ACAP3: variants seen among roughly 807,000 people sequenced by gnomAD.
The protein encoded by ACAP3 is arf-GAP with coiled-coil, ANK repeat and PH domain-containing protein 3.
Under a neutral mutation model 104.1 loss-of-function variants are expected in ACAP3, and 56 were observed. The observed-to-expected ratio is 0.54, with a 90% confidence interval of 0.43 to 0.67. The LOEUF (loss-of-function observed/expected upper bound fraction) is 0.67, where lower values mean the gene tolerates loss of function less well. Among genes scored for constraint, ACAP3 ranks in the 30% least tolerant of loss-of-function variants. ACAP3 has a pLI of 0.00. For missense variants in ACAP3, 1,208 were observed against 1,174.9 expected, an observed-to-expected ratio of 1.03 and a Z score of -0.41; for synonymous variants, 628 against 496.2, an observed-to-expected ratio of 1.27 and a Z score of -3.53.
Position 1,298,050 on chromosome 1 carries a change from C to G in ACAP3, c.979G>C (p.Glu327Gln). 1.2e-6 allele frequency: 2 copies of G among 1,611,558 alleles called. No homozygotes were observed. The highest frequency in any genetic ancestry group is 1.7e-6 in the Non-Finnish European group (2 of 1,179,442). ...LCSVKPCEDI[E>Q]RRFCFEVLSP... ...AGCACCTCGAAGCAGAACCTCCGCTCGATGTCCTCACACGGCTTCACAGAG... is the reference window on the plus strand; with the variant it reads ...AGCACCTCGAAGCAGAACCTCCGCTGGATGTCCTCACACGGCTTCACAGAG... The change falls in exon 13 of 24, where the codon GAG becomes CAG. Residue 327 changes from glutamate to glutamine, a missense_variant. By Grantham distance (29) the Glu-to-Gln change is conservative. Transcript: ENST00000354700.
chr1:1,306,058 G>C (rs1031472433), intron 1 of ACAP3: 1 of 152,346 alleles, frequency 6.6e-6, no homozygotes, highest in African/African-American at 2.4e-5. Context: ...TTAAATCACA[G>C]CCTAACCCCA....
At chr1:1,305,555 C>A (rs1641654538) in intron 1 of ACAP3, 1 of 152,312 alleles carries the variant, frequency 6.6e-6, no homozygotes, top group African/African-American at 2.4e-5. Flanking sequence ...CAGGAGCTCA[C>A]GGACGTGCTC....
chr1:1,298,574 A>G lies in ACAP3; in HGVS notation c.856T>C (p.Trp286Arg). ...CTGAGGAAGGCCTCTCACCGGTTCC[A>G]TGTCTTGAAAGCGTTGCTGGCCCTC... is the stretch of plus-strand genomic sequence containing the variant. ...FKRASNAFKTWNRRWFSIQNS... is the reference protein window; with the variant it reads ...FKRASNAFKTRNRRWFSIQNS... Residue 286 changes from tryptophan (W) to arginine (R), a missense_variant, in exon 11 of 24, where the codon TGG (tryptophan) becomes CGG (arginine). Trp to Arg is a moderately radical substitution (Grantham distance 101). Coordinates refer to ENST00000354700, the MANE Select transcript of ACAP3 (RefSeq NM_030649.3). 1.3e-6 allele frequency: 2 copies of G among 1,545,618 alleles called. No individual in the cohort carries two copies. The highest frequency in any genetic ancestry group is 1.7e-6 in the Non-Finnish European group (2 of 1,148,500).
rs756124051 is a variant in ACAP3, at chr1:1,298,527, C to T, written c.863+40G>A. 35 of 1,423,974 alleles carry T rather than the reference C, an allele frequency of 2.5e-5. No homozygotes were observed. The African/African-American group carries it at 2.7e-4, about 11-fold the overall frequency. 88.2% of individuals were successfully genotyped at this position (1,423,974 alleles called of 1,614,324 possible). On this transcript the variant is annotated intron_variant, in intron 11 of 23. Coordinates refer to ENST00000354700, the MANE Select transcript of ACAP3 (RefSeq NM_030649.3). ...CACCCCCGCCTGAGGACCCCACCCCCGCCTAAGGACCCCGCCCCCACCTGA... is the reference window on the plus strand; with the variant it reads ...CACCCCCGCCTGAGGACCCCACCCCTGCCTAAGGACCCCGCCCCCACCTGA...
At chr1:1,299,736 G>T in intron 9 of ACAP3, 95 bp downstream of exon 9, 1 of 1,367,948 alleles carries the variant, frequency 7.3e-7, no homozygotes, top group Non-Finnish European at 9.9e-7. Context: ...GAGACAGGCA[G>T]GAGGAAGGGG....
At position 1,296,510 on chromosome 1, in the gene ACAP3, A is replaced by G; in HGVS notation, c.1252T>C (p.Cys418Arg). 2 of 1,541,222 alleles carry G rather than the reference A, an allele frequency of 1.3e-6. No homozygotes were observed. Among genetic ancestry groups the G allele is most frequent in the Non-Finnish European group, 1.7e-6 (2 of 1,146,684 alleles). ...GGGTCCGGCTGGCCGCAGTCGCCGC[A>G]CTGGCTGTTGCCGGCCACACTCTGC... is the stretch of plus-strand genomic sequence containing the variant. Reference protein sequence around the residue: ...RVQSVAGNSQCGDCGQPDPRW... With the variant: ...RVQSVAGNSQRGDCGQPDPRW... The change falls in exon 15 of 24, where the codon TGC becomes CGC. Residue 418 changes from cysteine to arginine, a missense_variant. Cys to Arg is a radical substitution (Grantham distance 180). Transcript: ENST00000354700.
intron 2 of ACAP3, 68 bp downstream of exon 2, chr1:1,304,018 G>C: frequency 6.5e-7 from 1 of 1,540,476 alleles, no homozygotes; most frequent in South Asian, 1.2e-5. Flanking sequence ...AAGGCCTGGA[G>C]GGCGAGTCTG....
rs2100478724 is a variant in ACAP3, at chr1:1,303,915, T to C, written c.105+171A>G. 4 of 781,440 alleles carry C rather than the reference T, an allele frequency of 5.1e-6. No individual in the cohort carries two copies. Among genetic ancestry groups the C allele is most frequent in the Non-Finnish European group, 8.2e-6 (4 of 487,428 alleles). 48.4% of individuals were successfully genotyped at this position (781,440 alleles called of 1,614,324 possible). A position where few individuals can be genotyped will look rare whatever the true frequency, so the allele number is the denominator to read the frequency against. ...GCCAGCCACATGTGTGCATGTGACA[T>C]GTGCACCCTGGAACACACATGCTAA... On this transcript the variant is annotated intron_variant, in intron 2 of 23. Coordinates refer to ENST00000354700, the MANE Select transcript of ACAP3 (RefSeq NM_030649.3). This position sits in a 1 kb window ranked among gnomAD's most constrained non-coding sequence, Gnocchi z 4.0.
chr1:1,303,181 T>C lies in ACAP3; in HGVS notation c.206A>G (p.Gln69Arg), dbSNP rs760786493. The C allele has an allele frequency of 1.9e-6, 3 of 1,604,896 alleles. No individual in the cohort carries two copies. The African/African-American group carries it at 4.0e-5, about 21-fold the overall frequency. ...SGVRDLSQQC[Q>R]GDTVISECLQ... ...CCTCACCGAGATGACGGTGTCGCCC[T>C]GGCACTGCTGGGACAGGTCGCGGAC... Residue 69 changes from glutamine (Q) to arginine (R), a missense_variant, in exon 3 of 24, where the codon CAG (glutamine) becomes CGG (arginine). Transcript: ENST00000354700. This position sits in a 1 kb window ranked among gnomAD's most constrained non-coding sequence, Gnocchi z 4.0.
At position 1,300,203 on chromosome 1, in the gene ACAP3, C is replaced by A; in HGVS notation, c.523-1G>T. 6.2e-7 allele frequency: 1 copy of A among 1,607,342 alleles called. No homozygotes were observed. Among genetic ancestry groups the A allele is most frequent in the Non-Finnish European group, 8.5e-7 (1 of 1,176,800 alleles). ...TCTTCTTGGCCTGCAGAACATTGATCTGCCAGAGGGGGAGCCCACAGGTGA... is the reference window on the plus strand; with the variant it reads ...TCTTCTTGGCCTGCAGAACATTGATATGCCAGAGGGGGAGCCCACAGGTGA... On this transcript the variant is annotated splice_acceptor_variant, in intron 6 of 23. Coordinates refer to ENST00000354700, the MANE Select transcript of ACAP3 (RefSeq NM_030649.3). LOFTEE classifies it high-confidence loss of function.
chr1:1,303,431 C>T lies in ACAP3; in HGVS notation c.106-150G>A. On this transcript the variant is annotated intron_variant, in intron 2 of 23. Coordinates refer to ENST00000354700, the MANE Select transcript of ACAP3 (RefSeq NM_030649.3). The surrounding 1 kb of genome is among the most constrained non-coding windows in gnomAD (Gnocchi z 4.0). ...ACTCAGTGCCCCGGTGCAGCTTCCT[C>T]ACGCCTGGGCCTGCCTGGGGCTTGG... 8.8e-7 allele frequency: 1 copy of T among 1,137,748 alleles called. No homozygotes were observed. The highest frequency in any genetic ancestry group is 1.2e-6 in the Non-Finnish European group (1 of 825,494). The allele number at this position is 1,137,748 out of a possible 1,614,324, so 70.5% of individuals were successfully genotyped here.
chr1:1,307,231 C>G, intron 1 of ACAP3: 1 of 1,287,356 alleles, frequency 7.8e-7, no homozygotes, highest in Non-Finnish European at 1.0e-6. Context: ...ACTCGGTGTG[C>G]ACACAACCCC....
Position 1,303,984 on chromosome 1 carries a change from T to G in ACAP3, c.105+102A>C. 5.1e-6 allele frequency: 7 copies of G among 1,383,070 alleles called. No individual in the cohort carries two copies. The highest frequency in any genetic ancestry group is 6.0e-6 in the Non-Finnish European group (6 of 1,004,604). The allele number at this position is 1,383,070 out of a possible 1,614,324, so 85.7% of individuals were successfully genotyped here. A position where few individuals can be genotyped will look rare whatever the true frequency, so the allele number is the denominator to read the frequency against. On this transcript the variant is annotated intron_variant, in intron 2 of 23. Transcript: ENST00000354700. The surrounding 1 kb of genome is among the most constrained non-coding windows in gnomAD (Gnocchi z 4.0). The stretch of plus-strand genomic sequence containing the variant: ...TGGAGCACCACACGCATGCTCCACA[T>G]ATGGGGGGTGTAAGTGGCTTAGTAA...
At position 1,295,465 on chromosome 1, in the gene ACAP3, C is replaced by CAGG; in HGVS notation, c.1794_1795insCCT (p.Ala598_Ala599insPro). The CAGG allele has an allele frequency of 6.2e-7, 1 of 1,612,446 alleles. No homozygotes were observed. The highest frequency in any genetic ancestry group is 8.5e-7 in the Non-Finnish European group (1 of 1,179,798). On this transcript the variant is annotated inframe_insertion, in exon 19 of 24. Coordinates refer to ENST00000354700, the MANE Select transcript of ACAP3 (RefSeq NM_030649.3). ...CACTTACTGCGAGGGCCAGCCCCTG[C>CAGG]GGCCCCTGCGTCGAAGTAGGAGAAG...
Position 1,303,753 on chromosome 1 carries a change from C to A in ACAP3, c.105+333G>T. ...CTGTTGCCCCCTCCCCTTTCTCAGC[C>A]CCAGCCCCAGCCACACCAAGGCTCA... On this transcript the variant is annotated intron_variant, in intron 2 of 23. Transcript: ENST00000354700. This position sits in a 1 kb window ranked among gnomAD's most constrained non-coding sequence, Gnocchi z 4.0. 1 of 469,814 alleles carries A rather than the reference C, an allele frequency of 2.1e-6. No homozygotes were observed. Among genetic ancestry groups the A allele is most frequent in the Non-Finnish European group, 3.9e-6 (1 of 259,546 alleles). 29.1% of individuals were successfully genotyped at this position (469,814 alleles called of 1,614,324 possible). A position where few individuals can be genotyped will look rare whatever the true frequency, so the allele number is the denominator to read the frequency against.
In ACAP3 at chr1:1,306,679, TACAC is replaced by T. The variant is rs1476008752; in HGVS notation, c.47+1086_47+1089del. 5.9e-5 allele frequency among the ~76,000 whole-genome samples: 9 copies of T among 152,242 alleles called. No homozygotes were observed. The South Asian group carries it at 1.7e-3, about 28-fold the overall frequency. ...CAGCGCGCGCGTGCACACCCACACA[TACAC>T]AATCAAGCACACATGTGCAAACATG... On this transcript the variant is annotated intron_variant, in intron 1 of 23. Coordinates refer to ENST00000354700, the MANE Select transcript of ACAP3 (RefSeq NM_030649.3).
rs1640901473 is a variant in ACAP3, at chr1:1,292,881, A to G, written c.*683T>C. Reference sequence around the variant, plus strand: ...CATGAGATGAGGGCTGCAAAGTGGCAAAGTGGCTTTATGCGCAGGCTCTGG... The same window carrying G: ...CATGAGATGAGGGCTGCAAAGTGGCGAAGTGGCTTTATGCGCAGGCTCTGG... On this transcript the variant is annotated 3_prime_UTR_variant, in exon 24 of 24. Coordinates refer to ENST00000354700, the MANE Select transcript of ACAP3 (RefSeq NM_030649.3). 1 of 152,294 alleles carries G rather than the reference A, an allele frequency of 6.6e-6. No homozygotes were observed. The highest frequency in any genetic ancestry group is 1.5e-5 in the Non-Finnish European group (1 of 68,080). The allele number at this position is 152,294 out of a possible 1,614,324, so 9.4% of individuals were successfully genotyped here.
intron 18 of ACAP3, 34 bp downstream of exon 18, chr1:1,295,702 C>G (rs1326327899): frequency 5.1e-6 from 8 of 1,575,998 alleles, no homozygotes; most frequent in Non-Finnish European, 6.9e-6. Context: ...CCAAGGCAAG[C>G]CCCTCCCAGC....
chr1:1,294,869 C>T (rs1268281617), intron 19 of ACAP3, 53 bp from the exon 20 acceptor site: 2 of 1,530,546 alleles, frequency 1.3e-6, no homozygotes, highest in East Asian at 2.5e-5. Context: ...AGACTCCGTC[C>T]AGAGCCCTGG....
Sources: gnomAD v4.1 joint callset for allele counts (sites outside exome capture counted in the v4.1 genomes callset) on GRCh38, gnomAD v4.1.1 for gene constraint, Gnocchi (gnomAD v3.1) non-coding constraint, MANE v1.5 for transcripts, NCBI Gene and HGNC (gene_info 2026-07-23, HGNC 2026-07-21) for gene names.